The following COX7B2 variants were observed in gnomAD, a reference collection of about 807,000 sequenced individuals.
COX7B2 encodes cytochrome c oxidase subunit 7B2, also known as cytochrome c oxidase subunit 7B2, mitochondrial.
For synonymous variants in COX7B2, 37 were observed against 32.1 expected (o/e 1.15, Z -0.51); for missense variants, 109 against 95.9 (o/e 1.14, Z -0.57).
At chr4:46,876,116 T>C (rs1718311930) in intron 1 of COX7B2, among the ~76,000 whole-genome samples, 1 of 152,154 alleles carries the variant, frequency 6.6e-6, no homozygotes, top group Non-Finnish European at 1.5e-5. Context: ...CTACATCTTA[T>C]GGATGCAAAG....
chr4:46,906,526 T>C (rs149416616), intron 1 of COX7B2, among the ~76,000 whole-genome samples: 3 of 152,356 alleles, frequency 2.0e-5, no homozygotes, highest in African/African-American at 7.2e-5. Context: ...TCTAACTGGT[T>C]AACCTTTTTA....
chr4:46,861,203 G>A lies in COX7B2; in HGVS notation c.-104-16189C>T, dbSNP rs578013922. ...TCCTTTTATACTTGGCTTAGTAAAAGAAAAGCCACCTCTTTTGTCATATTC... is the reference window on the plus strand; with the variant it reads ...TCCTTTTATACTTGGCTTAGTAAAAAAAAAGCCACCTCTTTTGTCATATTC... On this transcript the variant is annotated intron_variant, in intron 1 of 2. Transcript: ENST00000355591. Among the ~76,000 whole-genome samples, 14 of 152,210 alleles carry A rather than the reference G, an allele frequency of 9.2e-5. No individual in the cohort carries two copies. The East Asian group carries it at 2.5e-3, about 27-fold the overall frequency.
In COX7B2 at chr4:46,757,599, A is replaced by G. The variant is rs73813507; in HGVS notation, c.-49-22358T>C. Among the ~76,000 whole-genome samples the G allele has an allele frequency of 3.1e-3, 471 of 152,100 alleles. 4 individuals carry two copies. Among genetic ancestry groups the G allele is most frequent in the African/African-American group, 0.011 (446 of 41,502 alleles). ...CTTATCTTCCCCAGTCCTTACACAT[A>G]TTCTCTCGAGCCAAACTGTTCCCCA... On this transcript the variant is annotated intron_variant, in intron 2 of 2. Coordinates refer to ENST00000355591, the MANE Select transcript of COX7B2 (RefSeq NM_130902.3).
At chr4:46,821,347 C>A (rs553185898) in intron 2 of COX7B2, among the ~76,000 whole-genome samples, 56 of 152,234 alleles carry the variant, frequency 3.7e-4, no homozygotes, top group African/African-American at 1.0e-3. Context: ...TTGGCAGCAA[C>A]CTTCTTTGAA....
chr4:46,838,763 G>A (rs1342272631), intron 2 of COX7B2, among the ~76,000 whole-genome samples: 1 of 152,040 alleles, frequency 6.6e-6, no homozygotes, highest in Non-Finnish European at 1.5e-5. Flanking sequence ...GTCACAGTTG[G>A]AAGAAGTGGT....
chr4:46,813,557 G>T (rs915125894), intron 2 of COX7B2, among the ~76,000 whole-genome samples: 2 of 152,120 alleles, frequency 1.3e-5, no homozygotes, highest in Non-Finnish European at 2.9e-5. Flanking sequence ...GCCTGTCGTG[G>T]GGTGGAGGGC....
intron 2 of COX7B2, among the ~76,000 whole-genome samples, chr4:46,754,722 G>GTATATATATATATA (rs1396491793): frequency 2.2e-3 from 75 of 34,052 alleles, no homozygotes; most frequent in African/African-American, 8.7e-3. Context: ...GTGTGTGTGT[G>GTATATATATATATA]TGTGTGTATA....
chr4:46,761,603 C>A (rs1049952983), intron 2 of COX7B2, among the ~76,000 whole-genome samples: 1 of 152,028 alleles, frequency 6.6e-6, no homozygotes, highest in African/African-American at 2.4e-5. Context: ...GTTACAAATT[C>A]TTTTACTATT....
intron 2 of COX7B2, among the ~76,000 whole-genome samples, chr4:46,837,796 G>A (rs1371985717): frequency 1.9e-4 from 29 of 151,984 alleles, no homozygotes; most frequent in Admixed American, 1.9e-3. Context: ...TTCCTATACT[G>A]CCTTATGCTG....
intron 2 of COX7B2, among the ~76,000 whole-genome samples, chr4:46,763,199 T>C (rs943443271): frequency 4.9e-4 from 67 of 136,668 alleles, no homozygotes; most frequent in Non-Finnish European, 7.7e-4. Context: ...ATATAATATA[T>C]GATATTATAT....
At chr4:46,848,183 ACT>A (rs1414622161) in intron 1 of COX7B2, among the ~76,000 whole-genome samples, 1 of 152,090 alleles carries the variant, frequency 6.6e-6, no homozygotes, top group African/African-American at 2.4e-5. Context: ...GTGCTAGTTC[ACT>A]GTTTATGAGG....
chr4:46,766,762 T>C (rs1446330659), intron 2 of COX7B2, among the ~76,000 whole-genome samples: 1 of 150,554 alleles, frequency 6.6e-6, no homozygotes, highest in African/African-American at 2.4e-5. Context: ...TTGCATATGG[T>C]TGAAATTAAA....
intron 1 of COX7B2, among the ~76,000 whole-genome samples, chr4:46,850,121 T>C (rs1487520617): frequency 2.6e-5 from 4 of 151,910 alleles, no homozygotes; most frequent in Non-Finnish European, 5.9e-5. Flanking sequence ...GATAGATAAA[T>C]TGATTTAAAA....
At chr4:46,878,419 G>A (rs1718485282) in intron 1 of COX7B2, among the ~76,000 whole-genome samples, 1 of 151,694 alleles carries the variant, frequency 6.6e-6, no homozygotes, top group African/African-American at 2.4e-5. Flanking sequence ...AAAAAAAGGT[G>A]ATGGATAGGA....
chr4:46,782,042 C>A (rs13115253), intron 2 of COX7B2, among the ~76,000 whole-genome samples: 1 of 152,166 alleles, frequency 6.6e-6, no homozygotes, highest in Non-Finnish European at 1.5e-5. Context: ...CTGAGGAGTA[C>A]GGGCACGTGG....
chr4:46,901,122 G>C (rs1398437987), intron 1 of COX7B2, among the ~76,000 whole-genome samples: 1 of 152,150 alleles, frequency 6.6e-6, no homozygotes, highest in African/African-American at 2.4e-5. Flanking sequence ...TTCAGAAAAA[G>C]CATATGTAAC....
intron 2 of COX7B2, among the ~76,000 whole-genome samples, chr4:46,746,895 A>G (rs1276095658): frequency 6.6e-6 from 1 of 152,208 alleles, no homozygotes; most frequent in African/African-American, 2.4e-5. Context: ...AAACACAGGA[A>G]TTACCATAAA....
chr4:46,838,820 T>G (rs1054552593), intron 2 of COX7B2, among the ~76,000 whole-genome samples: 1 of 152,036 alleles, frequency 6.6e-6, no homozygotes, highest in African/African-American at 2.4e-5. Flanking sequence ...ACCTGATAAT[T>G]CCGAATGGCA....
Position 46,775,415 on chromosome 4 carries a change from C to G in COX7B2, c.-49-40174G>C, listed in dbSNP as rs368869104. On this transcript the variant is annotated intron_variant, in intron 2 of 2. Transcript: ENST00000355591. ...TGACTAAATCTTTCATCATGGAAAACAGAATGCTCAGTTTTTAGACTTTTA... is the reference window on the plus strand; with the variant it reads ...TGACTAAATCTTTCATCATGGAAAAGAGAATGCTCAGTTTTTAGACTTTTA... Among the ~76,000 whole-genome samples the G allele has an allele frequency of 3.9e-5, 6 of 152,158 alleles. No homozygotes were observed. In the East Asian group the frequency reaches 7.7e-4, roughly 20 times the overall value.
Sources: gnomAD v4.1 joint callset for allele counts (sites outside exome capture counted in the v4.1 genomes callset) on GRCh38, gnomAD v4.1.1 for gene constraint, MANE v1.5 for transcripts, NCBI Gene and HGNC (gene_info 2026-07-23, HGNC 2026-07-21) for gene names.